Variants in TASP1 observed in about 807,000 individuals in gnomAD.
TASP1 encodes threonine aspartase 1.
TASP1 carries 16 observed loss-of-function variants against 56.6 expected under a neutral mutation model. The ratio of observed to expected loss-of-function variants is 0.28; its 90% CI spans 0.19 to 0.43. TASP1 has a LOEUF of 0.43. TASP1 is among the 20% of genes least tolerant of loss of function. The pLI is 1.00. For missense variants in TASP1, 393 were observed against 511.6 expected, an observed-to-expected ratio of 0.77 and a Z score of 2.24; for synonymous variants, 179 against 184.2, an observed-to-expected ratio of 0.97 and a Z score of 0.23.
chr20:13,110,393 TG>T, the TASP1 span, among the ~76,000 whole-genome samples: 1 of 152,178 alleles, frequency 6.6e-6, no homozygotes, highest in African/African-American at 2.4e-5. Context: ...TCTGTCTTTT[TG>T]ATGACTCTAT....
intron 12 of TASP1, among the ~76,000 whole-genome samples, chr20:13,433,686 A>G (rs2042896611): frequency 6.6e-6 from 1 of 152,050 alleles, no homozygotes; most frequent in Non-Finnish European, 1.5e-5. Context: ...AAAAACACAC[A>G]GTCTTCTATT....
At chr20:13,470,083 T>A (rs2146416420) in intron 11 of TASP1, among the ~76,000 whole-genome samples, 1 of 152,128 alleles carries the variant, frequency 6.6e-6, no homozygotes, top group South Asian at 2.1e-4. Context: ...TGATTTTTAA[T>A]CATCCATTGT....
At chr20:13,393,959 T>C (rs1170758754) in intron 13 of TASP1, among the ~76,000 whole-genome samples, 1 of 152,138 alleles carries the variant, frequency 6.6e-6, no homozygotes, top group Non-Finnish European at 1.5e-5. Flanking sequence ...AAGTGAATCA[T>C]ACTAGTTTGC....
chr20:13,575,966 C>T (rs1341564933), intron 6 of TASP1, among the ~76,000 whole-genome samples: 1 of 152,028 alleles, frequency 6.6e-6, no homozygotes, highest in East Asian at 1.9e-4. Context: ...AATCCCAGCA[C>T]TGTGGGAGGC....
chr20:13,379,193 GT>G, the TASP1 span, among the ~76,000 whole-genome samples: 1 of 152,180 alleles, frequency 6.6e-6, no homozygotes, highest in African/African-American at 2.4e-5. Context: ...AATTTGATAT[GT>G]TTTTGCAGTG....
At chr20:13,257,914 T>C in the TASP1 span, among the ~76,000 whole-genome samples, 5 of 151,966 alleles carry the variant, frequency 3.3e-5, no homozygotes, top group South Asian at 2.1e-4. Context: ...AGCTCCAGGG[T>C]AGAAATTAGG....
the TASP1 span, among the ~76,000 whole-genome samples, chr20:13,219,593 C>T: frequency 6.6e-6 from 1 of 151,802 alleles, no homozygotes; most frequent in African/African-American, 2.4e-5. Context: ...CGCACCGTTC[C>T]CCACCCAAAA....
rs770180535 is a variant in TASP1 at position 13,631,724 on chromosome 20, C to T, written c.-74-1572G>A. On this transcript the variant is annotated intron_variant, in intron 1 of 13. Transcript: ENST00000337743. ...ACCTCAAGCAACTTTGAATCACTGT[C>T]ATCTGAGATATTTTTTCATAACTAA... 7.4e-4 allele frequency among the ~76,000 whole-genome samples: 112 copies of T among 152,342 alleles called. 2 individuals carry two copies. Among genetic ancestry groups the T allele is most frequent in the Non-Finnish European group, 9.8e-4 (67 of 68,030 alleles).
chr20:13,427,890 T>C (rs562531269), intron 12 of TASP1, among the ~76,000 whole-genome samples: 54 of 152,312 alleles, frequency 3.5e-4, no homozygotes, highest in African/African-American at 1.2e-3. Context: ...AACACATCTG[T>C]TGATAGGAAA....
the TASP1 span, among the ~76,000 whole-genome samples, chr20:13,309,770 T>C: frequency 4.1e-4 from 63 of 151,862 alleles, no homozygotes; most frequent in Non-Finnish European, 6.9e-4. Flanking sequence ...AAAATTAACA[T>C]AAAAAAATCA....
the TASP1 span, among the ~76,000 whole-genome samples, chr20:13,114,542 G>T: frequency 6.6e-6 from 1 of 152,160 alleles, no homozygotes. Context: ...ATGCACATAT[G>T]CTGTAGCCTC....
chr20:13,429,173 A>C (rs1467462777), intron 12 of TASP1, among the ~76,000 whole-genome samples: 1 of 152,228 alleles, frequency 6.6e-6, no homozygotes, highest in African/African-American at 2.4e-5. Flanking sequence ...GATGTGTCAC[A>C]GTCATTGTTA....
intron 13 of TASP1, among the ~76,000 whole-genome samples, chr20:13,412,687 G>T (rs1398635890): frequency 6.6e-6 from 1 of 151,844 alleles, no homozygotes; most frequent in Admixed American, 6.6e-5. Context: ...CATTCACTAA[G>T]TTTTTTTTAA....
At chr20:13,220,009 C>A in the TASP1 span, among the ~76,000 whole-genome samples, 39 of 152,122 alleles carry the variant, frequency 2.6e-4, no homozygotes, top group Non-Finnish European at 4.6e-4. Context: ...TAATTTCATT[C>A]ACCAAGGGAG....
the TASP1 span, among the ~76,000 whole-genome samples, chr20:13,243,683 A>C: frequency 6.6e-6 from 1 of 152,196 alleles, no homozygotes; most frequent in Non-Finnish European, 1.5e-5. Flanking sequence ...ACTAATGCCA[A>C]AACCTAGGGA....
the TASP1 span, among the ~76,000 whole-genome samples, chr20:13,339,012 C>T: frequency 5.5e-4 from 84 of 152,270 alleles, 1 homozygote; most frequent in South Asian, 0.017. Context: ...CCTGCAGTCT[C>T]TAATCATACA....
the TASP1 span, among the ~76,000 whole-genome samples, chr20:13,295,897 C>A: frequency 6.6e-6 from 1 of 152,192 alleles, no homozygotes; most frequent in African/African-American, 2.4e-5. Context: ...GCAAAGCATC[C>A]ACAGCAGGTT....
chr20:13,189,652 GC>G, the TASP1 span, among the ~76,000 whole-genome samples: 4 of 151,988 alleles, frequency 2.6e-5, no homozygotes, highest in African/African-American at 9.7e-5. Context: ...AAAAAAAATA[GC>G]AGATGTTGGC....
chr20:13,424,329 G>C (rs975010336), intron 12 of TASP1, among the ~76,000 whole-genome samples: 3 of 152,166 alleles, frequency 2.0e-5, no homozygotes, highest in Non-Finnish European at 2.9e-5. Context: ...CTCAGTAAAA[G>C]AGTAGCATTT....
Sources: allele counts gnomAD v4.1 joint callset (sites outside exome capture counted in the v4.1 genomes callset), GRCh38; gene constraint gnomAD v4.1.1; transcripts MANE v1.5; gene names NCBI Gene and HGNC (gene_info 2026-07-23, HGNC 2026-07-21).